KCTD16: variants seen among roughly 807,000 people sequenced by gnomAD.
KCTD16 encodes BTB/POZ domain-containing protein KCTD16.
In KCTD16, 13 loss-of-function variants were observed where a neutral mutation model predicts 33.2. That is an observed-to-expected ratio of 0.39 (90% CI 0.25 to 0.62). The LOEUF (loss-of-function observed/expected upper bound fraction) is 0.62, where lower values mean the gene tolerates loss of function less well. Ranked by LOEUF, KCTD16 falls within the 20% of genes least tolerant of loss-of-function variation. The probability of loss-of-function intolerance (pLI) is 0.50; values close to 1 mark genes in which losing one functional copy is unlikely to be tolerated. For missense variants in KCTD16, 441 were observed against 525.1 expected (o/e 0.84, Z 1.57); for synonymous variants, 197 against 195.3 (o/e 1.01, Z -0.07).
rs1411245102 is a variant in KCTD16, at chr5:144,477,203, T to A, written c.*3089T>A. 6.6e-6 allele frequency: 1 copy of A among 152,208 alleles called. No individual in the cohort carries two copies. The highest frequency in any genetic ancestry group is 1.9e-4 in the East Asian group (1 of 5,160). 9.4% of individuals were successfully genotyped at this position (152,208 alleles called of 1,614,324 possible). A position where few individuals can be genotyped will look rare whatever the true frequency, so the allele number is the denominator to read the frequency against. On this transcript the variant is annotated 3_prime_UTR_variant, in exon 4 of 4. Transcript: ENST00000512467. ...AATGTAAAACTACTAGATCATATGG[T>A]ATTGTGATTTTCTTTCCCCTGCTAG...
intron 3 of KCTD16, among the ~76,000 whole-genome samples, chr5:144,242,657 T>C (rs1754436880): frequency 1.3e-5 from 2 of 152,158 alleles, no homozygotes; most frequent in African/African-American, 2.4e-5. Context: ...AGTTTATGAT[T>C]GGGTATATGC....
At chr5:144,384,347 A>G (rs1412259249) in intron 3 of KCTD16, 1 of 152,166 alleles carries the variant, frequency 6.6e-6, no homozygotes, top group African/African-American at 2.4e-5. Context: ...GTGGGAAAGG[A>G]GCTTCGTCAT....
chr5:144,314,883 C>T (rs1353998157), intron 3 of KCTD16, among the ~76,000 whole-genome samples: 1 of 152,114 alleles, frequency 6.6e-6, no homozygotes, highest in Non-Finnish European at 1.5e-5. Context: ...ACATCTTTGC[C>T]TATATTTACT....
intron 3 of KCTD16, among the ~76,000 whole-genome samples, chr5:144,288,243 G>A (rs1411318524): frequency 2.6e-5 from 4 of 152,134 alleles, no homozygotes; most frequent in South Asian, 2.1e-4. Flanking sequence ...AATTCTGATC[G>A]TGCCAATTTC....
In KCTD16 at chr5:144,311,772, G is replaced by A. The variant is rs185924690; in HGVS notation, c.832+104226G>A. 1.4e-4 allele frequency among the ~76,000 whole-genome samples: 21 copies of A among 152,118 alleles called. 1 individual carries two copies. The East Asian group carries it at 3.9e-3, about 28-fold the overall frequency. On this transcript the variant is annotated intron_variant, in intron 3 of 3. Transcript: ENST00000512467. ...AAATACCTACCAAAAGTAGCAAAACGATACTTTATAATATTACAGACTTTT... is the reference window on the plus strand; with the variant it reads ...AAATACCTACCAAAAGTAGCAAAACAATACTTTATAATATTACAGACTTTT...
chr5:144,291,092 G>A (rs1317262724), intron 3 of KCTD16, among the ~76,000 whole-genome samples: 1 of 152,160 alleles, frequency 6.6e-6, no homozygotes, highest in Non-Finnish European at 1.5e-5. Context: ...AAGCCAAAAA[G>A]CATCAATATA....
chr5:144,313,512 G>C (rs1244679763), intron 3 of KCTD16, among the ~76,000 whole-genome samples: 1 of 152,160 alleles, frequency 6.6e-6, no homozygotes, highest in African/African-American at 2.4e-5. Flanking sequence ...GTAGATTAAA[G>C]TTTAGAGTTT....
At chr5:144,374,834 G>C (rs1315251578) in intron 3 of KCTD16, among the ~76,000 whole-genome samples, 1 of 151,962 alleles carries the variant, frequency 6.6e-6, no homozygotes, top group Non-Finnish European at 1.5e-5. Flanking sequence ...TTTCTCTGCT[G>C]TGTTTTTCAC....
chr5:144,293,689 A>G (rs1255895002), intron 3 of KCTD16, among the ~76,000 whole-genome samples: 1 of 152,234 alleles, frequency 6.6e-6, no homozygotes, highest in Non-Finnish European at 1.5e-5. Flanking sequence ...GACAATTTCA[A>G]TGATGAACTA....
chr5:144,397,650 G>T (rs1752605087), intron 3 of KCTD16, among the ~76,000 whole-genome samples: 1 of 152,076 alleles, frequency 6.6e-6, no homozygotes, highest in Admixed American at 6.5e-5. Flanking sequence ...TCTCATTGTG[G>T]TTTTAATTTG....
At chr5:144,306,630 G>C (rs77715372) in intron 3 of KCTD16, among the ~76,000 whole-genome samples, 2 of 152,134 alleles carry the variant, frequency 1.3e-5, no homozygotes, top group African/African-American at 4.8e-5. Context: ...TCATTGGCTC[G>C]CATTACCTCT....
intron 3 of KCTD16, among the ~76,000 whole-genome samples, chr5:144,306,630 G>T (rs77715372): frequency 6.6e-6 from 1 of 152,134 alleles, no homozygotes; most frequent in Non-Finnish European, 1.5e-5. Context: ...TCATTGGCTC[G>T]CATTACCTCT....
At chr5:144,437,512 C>T (rs1258979467) in intron 3 of KCTD16, among the ~76,000 whole-genome samples, 1 of 152,102 alleles carries the variant, frequency 6.6e-6, no homozygotes, top group Non-Finnish European at 1.5e-5. Flanking sequence ...CAATATTTGT[C>T]AAGTTCTCAA....
chr5:144,180,971 C>G (rs1307476326), intron 2 of KCTD16, among the ~76,000 whole-genome samples: 1 of 150,726 alleles, frequency 6.6e-6, no homozygotes, highest in African/African-American at 2.4e-5. Context: ...CTCGCTCTGT[C>G]GCCCAGGCTG....
intron 3 of KCTD16, among the ~76,000 whole-genome samples, chr5:144,445,709 G>T (rs990304876): frequency 6.6e-6 from 1 of 150,602 alleles, no homozygotes; most frequent in Non-Finnish European, 1.5e-5. Flanking sequence ...TCCTGGCTTT[G>T]TTCCTCTTCC....
At chr5:144,439,830 C>T (rs1753661954) in intron 3 of KCTD16, among the ~76,000 whole-genome samples, 1 of 151,540 alleles carries the variant, frequency 6.6e-6, no homozygotes, top group Non-Finnish European at 1.5e-5. Flanking sequence ...TTTTTCCTGC[C>T]GGGTGTTGTA....
At position 144,264,290 on chromosome 5, in the gene KCTD16, A is replaced by G. The variant is rs528324624; in HGVS notation, c.832+56744A>G. 2.6e-5 allele frequency among the ~76,000 whole-genome samples: 4 copies of G among 152,352 alleles called. No individual in the cohort carries two copies. In the East Asian group the frequency reaches 7.7e-4, roughly 29 times the overall value. On this transcript the variant is annotated intron_variant, in intron 3 of 3. Transcript: ENST00000512467. ...TAACAGAATAAACATGAGAATTTAA[A>G]TCACACAGTATTATAATTCAGGGAC...
At chr5:144,295,594 G>C (rs1224670019) in intron 3 of KCTD16, among the ~76,000 whole-genome samples, 2 of 152,184 alleles carry the variant, frequency 1.3e-5, no homozygotes, top group East Asian at 3.9e-4. Context: ...ATTGGGGACT[G>C]TGGTGGGCAG....
chr5:144,289,528 C>G (rs78029986), intron 3 of KCTD16, among the ~76,000 whole-genome samples: 283 of 152,298 alleles, frequency 1.9e-3, no homozygotes, highest in African/African-American at 6.4e-3. Flanking sequence ...ATTCCTTCTA[C>G]TGATTCCATG....
Sources: allele counts gnomAD v4.1 joint callset (sites outside exome capture counted in the v4.1 genomes callset), GRCh38; gene constraint gnomAD v4.1.1; transcripts MANE v1.5; gene names NCBI Gene and HGNC (gene_info 2026-07-23, HGNC 2026-07-21).